Variants in KIF27 observed in about 807,000 individuals in gnomAD.
KIF27 encodes the protein kinesin-like protein KIF27.
A neutral mutation model predicts 141.8 loss-of-function variants in KIF27; 84 were observed. That is an observed-to-expected ratio of 0.59 (90% CI 0.50 to 0.71). The LOEUF is 0.71. KIF27 is among the 30% of genes least tolerant of loss of function. KIF27 has a pLI of 0.00. For missense variants in KIF27, 1,306 were observed against 1,628.4 expected (o/e 0.80, Z 3.41); for synonymous variants, 471 against 569.5 (o/e 0.83, Z 2.46).
rs1564283858 is a variant in KIF27 at position 83,848,114 on chromosome 9, C to CATATATATGATATATA, written c.3556+1984_3556+1985insTATATATCATATATAT. Among the ~76,000 whole-genome samples the CATATATATGATATATA allele has an allele frequency of 3.8e-4, 12 of 31,874 alleles. 2 individuals carry two copies. The highest frequency in any genetic ancestry group is 0.019 in the Middle Eastern group (1 of 54). The allele number at this position is 31,874 out of a possible 152,430, so 20.9% of individuals were successfully genotyped here. A position where few individuals can be genotyped will look rare whatever the true frequency, so the allele number is the denominator to read the frequency against. ...ATATGATATATATGATATCTCATAT[C>CATATATATGATATATA]TGATATATCTGATATCTCATATATG... On this transcript the variant is annotated intron_variant, in intron 16 of 17. Coordinates refer to ENST00000297814, the MANE Select transcript of KIF27 (RefSeq NM_017576.4).
At chr9:83,908,067 G>C (rs1415143807) in intron 3 of KIF27, among the ~76,000 whole-genome samples, 1 of 152,040 alleles carries the variant, frequency 6.6e-6, no homozygotes, top group Non-Finnish European at 1.5e-5. Context: ...TTCGAGACCA[G>C]CCTGACCAAC....
At chr9:83,914,377 GCTC>G (rs1955490473) in intron 2 of KIF27, among the ~76,000 whole-genome samples, 2 of 151,948 alleles carry the variant, frequency 1.3e-5, no homozygotes, top group African/African-American at 4.8e-5. Flanking sequence ...GCTTCTTAAG[GCTC>G]CTCCATTTTA....
At position 83,903,153 on chromosome 9, in the gene KIF27, G is replaced by A. The variant is rs762101010; in HGVS notation, c.1365C>T (p.Thr455=). 14 of 1,614,122 alleles carry A rather than the reference G, an allele frequency of 8.7e-6. No individual in the cohort carries two copies. The East Asian group carries it at 2.0e-4, about 23-fold the overall frequency. The change falls in exon 4 of 18, where the codon ACC becomes ACT. Residue 455 remains threonine, a synonymous_variant. Transcript: ENST00000297814. ...CAGTGCCTCCGATTCCTCGAAATGA[G>A]GTGAGGACAGCCTTCCTGACCTCTT... ...MIQEVRKAVL[T]SFRGIGGTAS...
At chr9:83,908,984 A>G (rs1354519824) in intron 2 of KIF27, among the ~76,000 whole-genome samples, 1 of 152,166 alleles carries the variant, frequency 6.6e-6, no homozygotes, top group Non-Finnish European at 1.5e-5. Context: ...GTATCCCCTT[A>G]CCAAGAATTT....
chr9:83,891,393 G>A lies in KIF27; in HGVS notation c.1711C>T (p.Pro571Ser). ...CTCCTTTCAGGGATCCTGGCATCTG[G>A]CCCATCTCCACAATTTTCTTTAGCT... Reference protein sequence around the residue: ...SSAKENCGDGPDARIPERRPY... With the variant: ...SSAKENCGDGSDARIPERRPY... The change falls in exon 6 of 18, where the codon CCA becomes TCA. Residue 571 changes from proline (P) to serine (S), a missense_variant. Coordinates refer to ENST00000297814, the MANE Select transcript of KIF27 (RefSeq NM_017576.4). 3 of 1,613,780 alleles carry A rather than the reference G, an allele frequency of 1.9e-6. No homozygotes were observed. The highest frequency in any genetic ancestry group is 1.7e-4 in the Middle Eastern group (1 of 6,060).
intron 5 of KIF27, among the ~76,000 whole-genome samples, chr9:83,896,125 C>T (rs1467702586): frequency 1.3e-5 from 2 of 151,178 alleles, no homozygotes; most frequent in Non-Finnish European, 2.9e-5. Flanking sequence ...TGCCTGTAAT[C>T]CCAGCTATAC....
At position 83,872,478 on chromosome 9, in the gene KIF27, A is replaced by G. The variant is rs562909175; in HGVS notation, c.2644-1846T>C. Among the ~76,000 whole-genome samples the G allele has an allele frequency of 2.0e-5, 3 of 152,334 alleles. No homozygotes were observed. In the East Asian group the frequency reaches 5.8e-4, roughly 29 times the overall value. On this transcript the variant is annotated intron_variant, in intron 11 of 17. Coordinates refer to ENST00000297814, the MANE Select transcript of KIF27 (RefSeq NM_017576.4). ...TTACTGGTCTGTGATGGATAAGTAC[A>G]CAATTGAAAGTGCTGAGATACTTTT...
At position 83,918,323 on chromosome 9, in the gene KIF27, TG is replaced by T. The variant is rs11442017; in HGVS notation, c.-87-2646del. ...AGAGAGAAAGAGAGAACGAGAGAAA[TG>T]GGGGGGGGGCAGGACAGGGAGGGAG... On this transcript the variant is annotated intron_variant, in intron 1 of 17. Coordinates refer to ENST00000297814, the MANE Select transcript of KIF27 (RefSeq NM_017576.4). Among the ~76,000 whole-genome samples, 83 of 88,618 alleles carry T rather than the reference TG, an allele frequency of 9.4e-4. 1 individual carries two copies. The highest frequency in any genetic ancestry group is 2.3e-3 in the East Asian group (6 of 2,606). The allele number at this position is 88,618 out of a possible 152,430, so 58.1% of individuals were successfully genotyped here.
intron 2 of KIF27, among the ~76,000 whole-genome samples, chr9:83,915,071 T>C (rs567366357): frequency 8.2e-4 from 125 of 152,350 alleles, no homozygotes; most frequent in African/African-American, 2.8e-3. Context: ...TTTAAACTTC[T>C]TTCCTCAAGC....
chr9:83,854,145 C>A (rs1948924937), intron 14 of KIF27, among the ~76,000 whole-genome samples: 1 of 152,176 alleles, frequency 6.6e-6, no homozygotes, highest in African/African-American at 2.4e-5. Context: ...GGTTATACAA[C>A]AAATGCTGAT....
intron 7 of KIF27, among the ~76,000 whole-genome samples, 184 bp from the exon 8 acceptor site, chr9:83,888,776 G>C (rs1952368443): frequency 7.7e-6 from 1 of 130,322 alleles, no homozygotes; most frequent in African/African-American, 2.9e-5. Context: ...CAGTAGAAAA[G>C]TCATGTTTGT....
chr9:83,912,322 C>G (rs1392448117), intron 2 of KIF27, among the ~76,000 whole-genome samples: 1 of 152,186 alleles, frequency 6.6e-6, no homozygotes, highest in East Asian at 1.9e-4. Context: ...ATCCGAGTTT[C>G]CATCAACTTT....
intron 5 of KIF27, among the ~76,000 whole-genome samples, chr9:83,893,806 T>C (rs1266098990): frequency 6.6e-6 from 1 of 151,878 alleles, no homozygotes; most frequent in Non-Finnish European, 1.5e-5. Flanking sequence ...AAACATACAC[T>C]AGTGAGGATT....
chr9:83,850,090 G>T lies in KIF27; in HGVS notation c.3556+9C>A, dbSNP rs1948369398. 1.2e-6 allele frequency: 2 copies of T among 1,611,588 alleles called. No individual in the cohort carries two copies. The highest frequency in any genetic ancestry group is 1.7e-6 in the Non-Finnish European group (2 of 1,177,754). On this transcript the variant is annotated intron_variant, in intron 16 of 17. Transcript: ENST00000297814. ...TCAACCTTACATAACTGTCAAAAGG[G>T]GAAGTTACCTTTGAAATGATGTAAT... is the stretch of plus-strand genomic sequence containing the variant.
At chr9:83,920,679 AAAC>A (rs1956166001) in intron 1 of KIF27, among the ~76,000 whole-genome samples, 4 of 152,260 alleles carry the variant, frequency 2.6e-5, no homozygotes, top group Admixed American at 1.3e-4. Flanking sequence ...AAAGAAGGGC[AAAC>A]AACAAGGATT....
In KIF27 at chr9:83,835,970, C is replaced by T. The variant is rs1945784849; in HGVS notation, c.*1031G>A. 6.6e-6 allele frequency among the ~76,000 whole-genome samples: 1 copy of T among 152,016 alleles called. No homozygotes were observed. The highest frequency in any genetic ancestry group is 2.4e-5 in the African/African-American group (1 of 41,392). ...GTACAAACTACATTTGGTGTGCAAA[C>T]TGTTTAGTTCTTAATTCCAAACTAA... On this transcript the variant is annotated 3_prime_UTR_variant, in exon 18 of 18. Transcript: ENST00000297814.
At chr9:83,872,693 G>A (rs1402856785) in intron 11 of KIF27, among the ~76,000 whole-genome samples, 1 of 152,180 alleles carries the variant, frequency 6.6e-6, no homozygotes, top group Non-Finnish European at 1.5e-5. Flanking sequence ...CTGATAGGAA[G>A]TAAAAGAAAA....
intron 2 of KIF27, among the ~76,000 whole-genome samples, chr9:83,911,068 TTTTC>T (rs1488862012): frequency 2.0e-5 from 3 of 152,092 alleles, no homozygotes; most frequent in Non-Finnish European, 4.4e-5. Flanking sequence ...TCTTTTTTTC[TTTTC>T]TTTTTCTTTT....
intron 5 of KIF27, 148 bp downstream of exon 5, chr9:83,899,513 A>T (rs1953628346): frequency 1.9e-6 from 1 of 534,040 alleles, no homozygotes; most frequent in Non-Finnish European, 3.1e-6. Context: ...TTAAAGGAAA[A>T]ACTAATAATT....
Sources: gnomAD v4.1 joint callset for allele counts (sites outside exome capture counted in the v4.1 genomes callset) on GRCh38, gnomAD v4.1.1 for gene constraint, MANE v1.5 for transcripts, NCBI Gene and HGNC (gene_info 2026-07-23, HGNC 2026-07-21) for gene names.